Variants in APBA1 observed in about 807,000 individuals in gnomAD.
The protein encoded by APBA1 is amyloid-beta A4 precursor protein-binding family A member 1.
Under a neutral mutation model 86.6 loss-of-function variants are expected in APBA1, and 55 were observed. The observed-to-expected ratio is 0.64, with a 90% CI of 0.51 to 0.80. The LOEUF (loss-of-function observed/expected upper bound fraction) is 0.80, where lower values mean the gene tolerates loss of function less well. Ranked by LOEUF, APBA1 falls within the 30% of genes least tolerant of loss-of-function variation. The pLI is 0.00. For synonymous variants in APBA1, 511 were observed against 493.9 expected (o/e 1.03, Z -0.46); for missense variants, 1,090 against 1,183.0 (o/e 0.92, Z 1.15).
intron 1 of APBA1, among the ~76,000 whole-genome samples, chr9:69,595,698 T>C (rs1293119419): frequency 6.6e-6 from 1 of 152,184 alleles, no homozygotes; most frequent in Non-Finnish European, 1.5e-5. Context: ...CTAAATACCC[T>C]GGATCTCTTG....
intron 1 of APBA1, among the ~76,000 whole-genome samples, chr9:69,621,763 T>A (rs1290181551): frequency 6.6e-6 from 1 of 152,200 alleles, no homozygotes. Flanking sequence ...CTCTTCTTTA[T>A]GAATATAACA....
chr9:69,540,982 A>T (rs896468876), intron 1 of APBA1, among the ~76,000 whole-genome samples: 2 of 152,224 alleles, frequency 1.3e-5, no homozygotes, highest in Non-Finnish European at 2.9e-5. Flanking sequence ...TTCACTTAGC[A>T]TAATGTCCTA....
intron 1 of APBA1, among the ~76,000 whole-genome samples, chr9:69,539,564 C>G (rs1342780843): frequency 2.0e-5 from 3 of 152,196 alleles, no homozygotes; most frequent in Non-Finnish European, 4.4e-5. Context: ...CCTAATTTGT[C>G]TTGAGATTTC....
intron 1 of APBA1, among the ~76,000 whole-genome samples, chr9:69,618,686 C>T (rs1822756206): frequency 6.6e-6 from 1 of 152,176 alleles, no homozygotes; most frequent in Non-Finnish European, 1.5e-5. Context: ...CATCATGGCT[C>T]AGGCCAGAAA....
intron 1 of APBA1, among the ~76,000 whole-genome samples, chr9:69,530,347 C>CAT (rs1175759676): frequency 1.3e-5 from 2 of 148,282 alleles, no homozygotes; most frequent in Middle Eastern, 3.5e-3. Flanking sequence ...CACACACACA[C>CAT]ACACACACAC....
At chr9:69,639,346 C>T in intron 1 of APBA1, among the ~76,000 whole-genome samples, 1 of 152,094 alleles carries the variant, frequency 6.6e-6, no homozygotes, top group Non-Finnish European at 1.5e-5. Context: ...TAATGAGCAA[C>T]CTAGTAGTCC....
At chr9:69,455,298 GGGGT>G (rs1044889144) in intron 8 of APBA1, among the ~76,000 whole-genome samples, 8 of 152,170 alleles carry the variant, frequency 5.3e-5, no homozygotes, top group Middle Eastern at 3.4e-3. Context: ...TGGCCCTCAG[GGGGT>G]GGGTGAGTTT....
In APBA1 at chr9:69,517,010, C is replaced by T. The variant is rs751285299; in HGVS notation, c.201G>A (p.Glu67=). 28 of 1,578,810 alleles carry T rather than the reference C, an allele frequency of 1.8e-5. No individual in the cohort carries two copies. The highest frequency in any genetic ancestry group is 2.7e-5 in the African/African-American group (2 of 74,310). Residue 67 remains glutamate (E), a synonymous_variant, in exon 2 of 13, where the codon GAG becomes GAA. Coordinates refer to ENST00000265381, the MANE Select transcript of APBA1 (RefSeq NM_001163.4). ...LEDLRAQLGQ[E]EEERGECLAR... ...CCAGGCATTCCCCGCGCTCCTCTTC[C>T]TCCTGGCCGAGCTGGGCGCGGAGGT...
At position 69,636,646 on chromosome 9, in the gene APBA1, A is replaced by G. The variant is rs538588665; in HGVS notation, c.-70+35507T>C. On this transcript the variant is annotated intron_variant, in intron 1 of 12. Coordinates refer to ENST00000265381, the MANE Select transcript of APBA1 (RefSeq NM_001163.4). ...CCCCATCTCTACAAAAAGTACAAAA[A>G]TCCTGGACATGGTGGCATGTGTCTG... 6.6e-5 allele frequency among the ~76,000 whole-genome samples: 10 copies of G among 151,484 alleles called. No individual in the cohort carries two copies. In the South Asian group the frequency reaches 1.9e-3, roughly 29 times the overall value.
chr9:69,636,002 A>T (rs530304849), intron 1 of APBA1, among the ~76,000 whole-genome samples: 1 of 152,362 alleles, frequency 6.6e-6, no homozygotes, highest in African/African-American at 2.4e-5. Flanking sequence ...AATATTTGCA[A>T]ACTACCCATA....
intron 1 of APBA1, among the ~76,000 whole-genome samples, chr9:69,640,392 A>G (rs1823263274): frequency 6.6e-6 from 1 of 152,254 alleles, no homozygotes; most frequent in South Asian, 2.1e-4. Flanking sequence ...CCTTGGGAGA[A>G]GTTTAGAATT....
intron 1 of APBA1, among the ~76,000 whole-genome samples, chr9:69,601,281 T>A (rs545562228): frequency 1.3e-5 from 2 of 152,232 alleles, no homozygotes; most frequent in Admixed American, 6.5e-5. Flanking sequence ...ACAATAAAGA[T>A]AATATTAATT....
At chr9:69,652,020 A>G (rs1287159472) in intron 1 of APBA1, among the ~76,000 whole-genome samples, 1 of 152,206 alleles carries the variant, frequency 6.6e-6, no homozygotes, top group Non-Finnish European at 1.5e-5. Flanking sequence ...TCTTTTTAGA[A>G]GAAGAGACAC....
intron 5 of APBA1, chr9:69,464,370 T>C (rs1022572335): frequency 6.6e-6 from 1 of 152,240 alleles, no homozygotes; most frequent in Non-Finnish European, 1.5e-5. Flanking sequence ...TACTTATAAG[T>C]TATAAATGAA....
chr9:69,617,121 G>A (rs902760853), intron 1 of APBA1, among the ~76,000 whole-genome samples: 7 of 152,118 alleles, frequency 4.6e-5, no homozygotes, highest in Non-Finnish European at 1.0e-4. Flanking sequence ...CATCCTTGTT[G>A]TTGATTCTTG....
chr9:69,656,839 C>CT (rs55751456), intron 1 of APBA1, among the ~76,000 whole-genome samples: 82,161 of 134,676 alleles, frequency 0.61, 28,510 homozygotes, highest in East Asian at 0.92. Flanking sequence ...ACCGGGAGAT[C>CT]TTTTTTTTTT....
At chr9:69,549,347 T>A (rs1397059752) in intron 1 of APBA1, among the ~76,000 whole-genome samples, 1 of 152,170 alleles carries the variant, frequency 6.6e-6, no homozygotes, top group Non-Finnish European at 1.5e-5. Flanking sequence ...CCTGGGACAC[T>A]ATAGGTGCTT....
intron 5 of APBA1, chr9:69,461,477 G>A (rs1397085159): frequency 6.6e-6 from 1 of 152,092 alleles, no homozygotes; most frequent in African/African-American, 2.4e-5. Flanking sequence ...CTTGCTATGT[G>A]CCAGAATCCT....
chr9:69,493,475 G>A (rs1272472689), intron 2 of APBA1, among the ~76,000 whole-genome samples: 2 of 151,984 alleles, frequency 1.3e-5, no homozygotes, highest in African/African-American at 2.4e-5. Flanking sequence ...GGAAAGGAAA[G>A]CCCCTCTTGT....
Sources: allele counts gnomAD v4.1 joint callset (sites outside exome capture counted in the v4.1 genomes callset), GRCh38; gene constraint gnomAD v4.1.1; transcripts MANE v1.5; gene names NCBI Gene and HGNC (gene_info 2026-07-23, HGNC 2026-07-21).